Variants in GNB1L observed in about 807,000 individuals in gnomAD.
GNB1L encodes G protein subunit beta 1 like.
GNB1L carries 20 observed loss-of-function variants against 29.1 expected under a neutral mutation model. That is an observed-to-expected ratio of 0.69 (90% CI 0.48 to 1.00). The LOEUF is 1.00. Among genes scored for constraint, GNB1L ranks in the 50% least tolerant of loss-of-function variants. The probability of loss-of-function intolerance (pLI) is 0.00; values close to 1 mark genes in which losing one functional copy is unlikely to be tolerated. For missense variants in GNB1L, 421 were observed against 464.9 expected (o/e 0.91, Z 0.87); for synonymous variants, 193 against 206.5 (o/e 0.93, Z 0.56).
rs1234276542 is a variant in GNB1L at position 19,848,939 on chromosome 22, C to A, written c.-21+5504G>T. ...AGGCTGTCCATCCTAGAGAGCAACT[C>A]TGGGTTCTACTGCCAGACCCACAGG... On this transcript the variant is annotated intron_variant, in intron 2 of 7. Transcript: ENST00000329517. 3.0e-6 allele frequency: 3 copies of A among 985,500 alleles called. No individual in the cohort carries two copies. The African/African-American group carries it at 5.2e-5, about 17-fold the overall frequency. 61.0% of individuals were successfully genotyped at this position (985,500 alleles called of 1,614,324 possible). A position where few individuals can be genotyped will look rare whatever the true frequency, so the allele number is the denominator to read the frequency against.
At chr22:19,811,393 C>T (rs1020606844) in intron 5 of GNB1L, among the ~76,000 whole-genome samples, 1 of 152,108 alleles carries the variant, frequency 6.6e-6, no homozygotes, top group African/African-American at 2.4e-5. Flanking sequence ...CATGGTATGT[C>T]CTCCCCATGC....
chr22:19,837,788 A>G lies in GNB1L; in HGVS notation c.-20-16413T>C, dbSNP rs10427656. On this transcript the variant is annotated intron_variant, in intron 2 of 7. Transcript: ENST00000329517. ...GATATATCCATCCTTGACAATGACA[A>G]AGTAGGAAGTACTGATACATGCTTT... 3.2e-3 allele frequency among the ~76,000 whole-genome samples: 486 copies of G among 152,368 alleles called. 1 individual carries two copies. The highest frequency in any genetic ancestry group is 0.011 in the African/African-American group (454 of 41,584).
chr22:19,851,711 C>T, intron 2 of GNB1L: 1 of 1,602,546 alleles, frequency 6.2e-7, no homozygotes, highest in South Asian at 1.1e-5. Flanking sequence ...CTCAGCAAAA[C>T]TGTTCGGGTC....
At chr22:19,805,950 G>A (rs888010598) in intron 6 of GNB1L, among the ~76,000 whole-genome samples, 4 of 152,190 alleles carry the variant, frequency 2.6e-5, no homozygotes, top group African/African-American at 4.8e-5. Context: ...CCCTGGACAT[G>A]AGCGGCCCCG....
intron 2 of GNB1L, chr22:19,849,820 C>T (rs1938052592): frequency 1.0e-6 from 1 of 985,410 alleles, no homozygotes; most frequent in Middle Eastern, 5.2e-4. Flanking sequence ...GGGACTTGAA[C>T]TTCTTGTCCA....
intron 6 of GNB1L, among the ~76,000 whole-genome samples, chr22:19,805,552 GC>G: frequency 6.6e-6 from 1 of 152,128 alleles, no homozygotes; most frequent in African/African-American, 2.4e-5. Context: ...GGAGGCCGAA[GC>G]GGGCGGATCA....
intron 7 of GNB1L, among the ~76,000 whole-genome samples, chr22:19,800,668 T>C (rs1400031684): frequency 6.6e-6 from 1 of 152,194 alleles, no homozygotes; most frequent in Non-Finnish European, 1.5e-5. Flanking sequence ...GCTCTGCCGC[T>C]TACATCAGGG....
intron 2 of GNB1L, among the ~76,000 whole-genome samples, chr22:19,843,199 T>C (rs1447807022): frequency 2.0e-5 from 3 of 152,216 alleles, no homozygotes; most frequent in Admixed American, 6.5e-5. Context: ...CCTCAGTAAT[T>C]AGCCCTAATT....
chr22:19,826,162 A>G (rs546292248), intron 2 of GNB1L, among the ~76,000 whole-genome samples: 1 of 152,156 alleles, frequency 6.6e-6, no homozygotes, highest in East Asian at 1.9e-4. Flanking sequence ...GCTTAGGGCC[A>G]TCCTATGGTG....
rs1279771607 is a variant in GNB1L, at chr22:19,816,546, C to A, written c.254+4052G>T. 6.6e-6 allele frequency among the ~76,000 whole-genome samples: 1 copy of A among 152,118 alleles called. No individual in the cohort carries two copies. The highest frequency in any genetic ancestry group is 2.4e-5 in the African/African-American group (1 of 41,418). On this transcript the variant is annotated intron_variant, in intron 4 of 7. Coordinates refer to ENST00000329517, the MANE Select transcript of GNB1L (RefSeq NM_053004.3). This position sits in a 1 kb window ranked among gnomAD's most constrained non-coding sequence, Gnocchi z 4.4. ...TGCTCACTGCCAGAGTGTGCCCCAG[C>A]CACCAGGCCCCTCCGCACACGGGCT...
At chr22:19,840,580 CG>C (rs1194410909) in intron 2 of GNB1L, among the ~76,000 whole-genome samples, 1 of 152,074 alleles carries the variant, frequency 6.6e-6, no homozygotes, top group Non-Finnish European at 1.5e-5. Flanking sequence ...GAGGTCGAGG[CG>C]GGTGGATCAC....
chr22:19,847,619 A>ACCATGACCC (rs71186630), intron 2 of GNB1L: 1 of 982,780 alleles, frequency 1.0e-6, no homozygotes, highest in Non-Finnish European at 1.2e-6. Context: ...GTGGTACCGA[A>ACCATGACCC]CCATGACCAC....
intron 2 of GNB1L, chr22:19,849,430 G>A (rs111824748): frequency 2.9e-5 from 13 of 446,244 alleles, no homozygotes; most frequent in African/African-American, 4.3e-5. Context: ...GTGCAATGGC[G>A]TGATCTCGGC....
chr22:19,850,036 G>A (rs541057074), intron 2 of GNB1L: 25 of 985,842 alleles, frequency 2.5e-5, no homozygotes, highest in South Asian at 1.4e-4. Context: ...TACAGCTCTC[G>A]GAAGTCAGTT....
intron 2 of GNB1L, chr22:19,847,762 A>G: frequency 1.0e-6 from 1 of 964,570 alleles, no homozygotes; most frequent in African/African-American, 1.9e-5. Context: ...ATACCTCCAC[A>G]ACTCTGGGCA....
chr22:19,837,164 C>T lies in GNB1L; in HGVS notation c.-20-15789G>A, dbSNP rs567417990. ...TGTATTTTTAGTAGAGACGGGGTCTCACCGTGTTAGCCAGGATGGTGTTGA... is the reference window on the plus strand; with the variant it reads ...TGTATTTTTAGTAGAGACGGGGTCTTACCGTGTTAGCCAGGATGGTGTTGA... On this transcript the variant is annotated intron_variant, in intron 2 of 7. Coordinates refer to ENST00000329517, the MANE Select transcript of GNB1L (RefSeq NM_053004.3). Among the ~76,000 whole-genome samples the T allele has an allele frequency of 7.4e-3, 1,122 of 152,202 alleles. 3 individuals carry two copies. The highest frequency in any genetic ancestry group is 0.01 in the Non-Finnish European group (696 of 67,988).
intron 2 of GNB1L, chr22:19,852,143 G>T: frequency 6.2e-7 from 1 of 1,614,182 alleles, no homozygotes; most frequent in Non-Finnish European, 8.5e-7. Context: ...CACAAGGGGG[G>T]TGTATGCCAC....
Position 19,804,560 on chromosome 22 carries a change from A to T in GNB1L, c.516+2099T>A, listed in dbSNP as rs111285453. ...TATACTAAAAATTAAAAATTAAAAAATTTTTTAAATAAATAAAAATGTGAT... is the reference window on the plus strand; with the variant it reads ...TATACTAAAAATTAAAAATTAAAAATTTTTTTAAATAAATAAAAATGTGAT... On this transcript the variant is annotated intron_variant, in intron 6 of 7. Coordinates refer to ENST00000329517, the MANE Select transcript of GNB1L (RefSeq NM_053004.3). 9.5e-3 allele frequency among the ~76,000 whole-genome samples: 1,446 copies of T among 152,146 alleles called. 23 individuals are homozygous for T. The highest frequency in any genetic ancestry group is 0.031 in the African/African-American group (1,288 of 41,562).
intron 4 of GNB1L, among the ~76,000 whole-genome samples, chr22:19,815,226 G>A (rs562740224): frequency 2.0e-5 from 3 of 152,314 alleles, no homozygotes; most frequent in East Asian, 1.9e-4. Flanking sequence ...AGGGCCGTGC[G>A]GTGTGCGGTG....
Sources: gnomAD v4.1 joint callset for allele counts (sites outside exome capture counted in the v4.1 genomes callset) on GRCh38, gnomAD v4.1.1 for gene constraint, Gnocchi (gnomAD v3.1) non-coding constraint, MANE v1.5 for transcripts, NCBI Gene and HGNC (gene_info 2026-07-23, HGNC 2026-07-21) for gene names.